Variants in PLA2G4A observed in about 807,000 individuals in gnomAD.
The protein encoded by PLA2G4A is cytosolic phospholipase A2.
A neutral mutation model predicts 81.9 loss-of-function variants in PLA2G4A; 40 were observed. The ratio of observed to expected loss-of-function variants is 0.49; its 90% CI spans 0.38 to 0.64. The LOEUF (loss-of-function observed/expected upper bound fraction) is 0.64, where lower values mean the gene tolerates loss of function less well. PLA2G4A is among the 30% of genes least tolerant of loss of function. PLA2G4A has a pLI of 0.00. For synonymous variants in PLA2G4A, 302 were observed against 296.9 expected (o/e 1.02, Z -0.18); for missense variants, 715 against 905.1 (o/e 0.79, Z 2.69).
Position 186,988,642 on chromosome 1 carries a change from T to G in PLA2G4A, c.*134T>G. ...GGCTGATACTCAAAGTTGCAGTTAC[T>G]TAGCTGCATGAGAATAATACTATTA... On this transcript the variant is annotated 3_prime_UTR_variant, in exon 18 of 18. Coordinates refer to ENST00000367466, the MANE Select transcript of PLA2G4A (RefSeq NM_024420.3). 7 of 753,854 alleles carry G rather than the reference T, an allele frequency of 9.3e-6. No homozygotes were observed. Among genetic ancestry groups the G allele is most frequent in the Non-Finnish European group, 1.7e-5 (7 of 422,970 alleles). The allele number at this position is 753,854 out of a possible 1,614,324, so 46.7% of individuals were successfully genotyped here. A position where few individuals can be genotyped will look rare whatever the true frequency, so the allele number is the denominator to read the frequency against.
rs895566258 is a variant in PLA2G4A, at chr1:186,926,815, G to A, written c.559-5948G>A. ...GGATAAGTACAAATGCTCATAAAGCGTCCAGCAAAATGTATAGGGGCACTT... is the reference window on the plus strand; with the variant it reads ...GGATAAGTACAAATGCTCATAAAGCATCCAGCAAAATGTATAGGGGCACTT... On this transcript the variant is annotated intron_variant, in intron 7 of 17. Transcript: ENST00000367466. Among the ~76,000 whole-genome samples the A allele has an allele frequency of 5.6e-4, 85 of 152,282 alleles. 1 individual carries two copies. Among genetic ancestry groups the A allele is most frequent in the African/African-American group, 1.9e-3 (80 of 41,558 alleles).
intron 3 of PLA2G4A, chr1:186,870,747 A>C (rs776462784): frequency 2.3e-5 from 36 of 1,542,104 alleles, no homozygotes; most frequent in Middle Eastern, 1.7e-4. Flanking sequence ...TGACATGCGT[A>C]AGAGTGCCCT....
chr1:186,970,357 G>A (rs1180845344), intron 15 of PLA2G4A, among the ~76,000 whole-genome samples: 6 of 151,898 alleles, frequency 4.0e-5, no homozygotes, highest in Non-Finnish European at 5.9e-5. Flanking sequence ...TCTGTGGTTC[G>A]TCTCTTTTCT....
At chr1:186,966,880 T>C (rs954787782) in intron 15 of PLA2G4A, among the ~76,000 whole-genome samples, 5 of 152,224 alleles carry the variant, frequency 3.3e-5, no homozygotes, top group African/African-American at 1.2e-4. Flanking sequence ...TGACTAGAAC[T>C]CTGTTCTCTG....
At chr1:186,829,297 G>A (rs576368338) in intron 1 of PLA2G4A, among the ~76,000 whole-genome samples, 1 of 152,232 alleles carries the variant, frequency 6.6e-6, no homozygotes, top group South Asian at 2.1e-4. Flanking sequence ...GTTTCTTTGG[G>A]TTGGAATCCC....
At chr1:186,881,695 A>G (rs993616943) in intron 3 of PLA2G4A, among the ~76,000 whole-genome samples, 3 of 152,102 alleles carry the variant, frequency 2.0e-5, no homozygotes, top group Admixed American at 1.3e-4. Flanking sequence ...CTTGGAAGAA[A>G]TGACTGACAT....
chr1:186,874,069 T>C (rs1325041911), intron 3 of PLA2G4A, among the ~76,000 whole-genome samples: 1 of 152,146 alleles, frequency 6.6e-6, no homozygotes, highest in Non-Finnish European at 1.5e-5. Context: ...ATGTAACTTT[T>C]ACTTTTAAAC....
chr1:186,964,598 T>G (rs1265391728), intron 14 of PLA2G4A, among the ~76,000 whole-genome samples: 1 of 152,084 alleles, frequency 6.6e-6, no homozygotes, highest in East Asian at 1.9e-4. Context: ...CTTATTTCAG[T>G]GTAAGGTTTT....
At chr1:186,982,549 G>T (rs1002583515) in intron 17 of PLA2G4A, among the ~76,000 whole-genome samples, 19 of 152,172 alleles carry the variant, frequency 1.2e-4, no homozygotes. Flanking sequence ...TAACAACATA[G>T]ACAAGTTTGT....
chr1:186,861,001 T>A (rs1311278407), intron 2 of PLA2G4A, among the ~76,000 whole-genome samples: 1 of 152,238 alleles, frequency 6.6e-6, no homozygotes, highest in Non-Finnish European at 1.5e-5. Context: ...TATGCTAGTT[T>A]GTAGTCTTGG....
At position 186,888,093 on chromosome 1, in the gene PLA2G4A, G is replaced by A. The variant is rs952043365; in HGVS notation, c.116-4918G>A. ...AGAATCAAGAGGAGAAATTAGAAACGCTGCCACTCTGGACATACATTTTAG... is the reference window on the plus strand; with the variant it reads ...AGAATCAAGAGGAGAAATTAGAAACACTGCCACTCTGGACATACATTTTAG... On this transcript the variant is annotated intron_variant, in intron 3 of 17. Coordinates refer to ENST00000367466, the MANE Select transcript of PLA2G4A (RefSeq NM_024420.3). 2.6e-5 allele frequency among the ~76,000 whole-genome samples: 4 copies of A among 152,208 alleles called. No homozygotes were observed. In the East Asian group the frequency reaches 5.8e-4, roughly 22 times the overall value.
intron 14 of PLA2G4A, among the ~76,000 whole-genome samples, chr1:186,962,349 G>A (rs1656978527): frequency 6.6e-6 from 1 of 152,024 alleles, no homozygotes; most frequent in Non-Finnish European, 1.5e-5. Context: ...ATCCCCCCAA[G>A]TAAGTAGGGA....
intron 2 of PLA2G4A, among the ~76,000 whole-genome samples, chr1:186,854,809 A>G (rs148097791): frequency 1.1e-4 from 17 of 151,984 alleles, no homozygotes; most frequent in Middle Eastern, 3.4e-3. Flanking sequence ...CCTTAGTTAG[A>G]TATGTTTAAA....
chr1:186,876,536 A>G (rs1289002932), intron 3 of PLA2G4A, among the ~76,000 whole-genome samples: 3 of 152,144 alleles, frequency 2.0e-5, no homozygotes, highest in African/African-American at 4.8e-5. Flanking sequence ...ATAATTGCCT[A>G]TAAATTAGGA....
intron 5 of PLA2G4A, among the ~76,000 whole-genome samples, chr1:186,905,074 C>T (rs932379797): frequency 6.6e-5 from 10 of 152,210 alleles, no homozygotes; most frequent in Middle Eastern, 3.4e-3. Context: ...AGGCTGGTTT[C>T]GAACTCCTGA....
At chr1:186,947,007 A>C in intron 12 of PLA2G4A, 46 bp downstream of exon 12, 9 of 1,009,346 alleles carry the variant, frequency 8.9e-6, no homozygotes, top group Non-Finnish European at 1.3e-5. Flanking sequence ...TGCTACATTG[A>C]TAAAGTTTAT....
At chr1:186,900,338 A>C (rs1654492532) in intron 5 of PLA2G4A, among the ~76,000 whole-genome samples, 1 of 152,240 alleles carries the variant, frequency 6.6e-6, no homozygotes, top group Non-Finnish European at 1.5e-5. Context: ...CGTAAAACAT[A>C]TTAAGATACT....
intron 8 of PLA2G4A, among the ~76,000 whole-genome samples, chr1:186,934,171 T>C (rs922628769): frequency 6.6e-6 from 1 of 152,022 alleles, no homozygotes; most frequent in Non-Finnish European, 1.5e-5. Context: ...CATTTTGTTA[T>C]TATTCTTTGA....
intron 5 of PLA2G4A, 140 bp downstream of exon 5, chr1:186,894,351 C>T (rs887005794): frequency 3.2e-6 from 2 of 630,424 alleles, no homozygotes; most frequent in Non-Finnish European, 5.6e-6. Context: ...TTTTGTTTTT[C>T]TTTTTACTTT....
Sources: gnomAD v4.1 joint callset for allele counts (sites outside exome capture counted in the v4.1 genomes callset) on GRCh38, gnomAD v4.1.1 for gene constraint, MANE v1.5 for transcripts, NCBI Gene and HGNC (gene_info 2026-07-23, HGNC 2026-07-21) for gene names.